The following C19orf47 variants were observed in gnomAD, a reference collection of about 807,000 sequenced individuals.
C19orf47 encodes the protein chromosome 19 open reading frame 47, also known as uncharacterized protein C19orf47.
In C19orf47, 18 loss-of-function variants were observed where a neutral mutation model predicts 32.3. The observed-to-expected ratio is 0.56, with a 90% CI of 0.39 to 0.83. The LOEUF (loss-of-function observed/expected upper bound fraction) is 0.83. Among genes scored for constraint, C19orf47 ranks in the 40% least tolerant of loss-of-function variants. The pLI is 0.00. For synonymous variants in C19orf47, 202 were observed against 211.1 expected, an observed-to-expected ratio of 0.96 and a Z score of 0.37; for missense variants, 484 against 531.6, an observed-to-expected ratio of 0.91 and a Z score of 0.88.
At chr19:40,347,480 C>T (rs1403091264) in intron 1 of C19orf47, among the ~76,000 whole-genome samples, 1 of 151,546 alleles carries the variant, frequency 6.6e-6, no homozygotes, top group Admixed American at 6.6e-5. Context: ...TGCGGTGAGA[C>T]GAAATTGCAC....
chr19:40,346,523 A>AG (rs1167497497), intron 1 of C19orf47, among the ~76,000 whole-genome samples: 16 of 143,424 alleles, frequency 1.1e-4, no homozygotes, highest in South Asian at 2.2e-4. Context: ...AAAAAAAAAA[A>AG]AGAGGACCCT....
the C19orf47 span, among the ~76,000 whole-genome samples, chr19:40,301,858 A>T: frequency 5.8e-4 from 69 of 118,772 alleles, no homozygotes; most frequent in Non-Finnish European, 8.9e-4. Flanking sequence ...AAAAAATCTT[A>T]AAAAAAAAGG....
chr19:40,345,457 G>A (rs2078253382), intron 1 of C19orf47, among the ~76,000 whole-genome samples: 1 of 150,688 alleles, frequency 6.6e-6, no homozygotes, highest in African/African-American at 2.4e-5. Context: ...CCAGCACTTT[G>A]GGAGGCCGAA....
At chr19:40,294,078 C>T in the C19orf47 span, among the ~76,000 whole-genome samples, 3 of 152,248 alleles carry the variant, frequency 2.0e-5, no homozygotes, top group Non-Finnish European at 2.9e-5. Context: ...TGAGATGGCG[C>T]CACTGCACTC....
At chr19:40,315,312 A>G (rs1359979394), downstream of C19orf47, among the ~76,000 whole-genome samples, 1 of 152,200 alleles carries the variant, frequency 6.6e-6, no homozygotes, top group Non-Finnish European at 1.5e-5. Context: ...GGTATACAGC[A>G]GCTCTCTGCA....
At chr19:40,342,129 A>C in intron 1 of C19orf47, 1 of 871,070 alleles carries the variant, frequency 1.1e-6, no homozygotes, top group Non-Finnish European at 1.4e-6. Context: ...ATTCACACAC[A>C]CCCCAAAAGG....
intron 4 of C19orf47, chr19:40,335,029 G>T (rs139823380): frequency 0.097 from 12,908 of 133,212 alleles, 766 homozygotes; most frequent in African/African-American, 0.18. Context: ...AGGAAGGGAA[G>T]GAGGGAAGGA....
intron 8 of C19orf47, 31 bp from the exon 9 acceptor site, chr19:40,322,407 C>T: frequency 6.5e-7 from 1 of 1,530,892 alleles, no homozygotes; most frequent in Non-Finnish European, 8.8e-7. Context: ...ATGAATGAGT[C>T]ACTGAGTCAC....
the C19orf47 span, among the ~76,000 whole-genome samples, chr19:40,304,710 A>C: frequency 6.6e-6 from 1 of 152,070 alleles, no homozygotes; most frequent in Non-Finnish European, 1.5e-5. Context: ...TACTTACTTA[A>C]TTAAAATGAG....
chr19:40,309,621 T>C, the C19orf47 span, among the ~76,000 whole-genome samples: 7 of 152,008 alleles, frequency 4.6e-5, no homozygotes, highest in African/African-American at 1.4e-4. Context: ...TCCCTTGAAG[T>C]TGCCTTTCCT....
chr19:40,326,302 C>A (rs369727103), intron 7 of C19orf47, 32 bp downstream of exon 7: 68 of 1,612,518 alleles, frequency 4.2e-5, no homozygotes, highest in Non-Finnish European at 5.4e-5. Flanking sequence ...ACATGGACCC[C>A]GCAGGGAAGC....
the C19orf47 span, among the ~76,000 whole-genome samples, chr19:40,301,955 T>C: frequency 6.6e-6 from 1 of 150,658 alleles, no homozygotes; most frequent in African/African-American, 2.4e-5. Flanking sequence ...AGGTCAGGAG[T>C]TGGAAAACAG....
At chr19:40,341,548 T>C (rs1219887288) in intron 2 of C19orf47, among the ~76,000 whole-genome samples, 2 of 152,176 alleles carry the variant, frequency 1.3e-5, no homozygotes, top group Non-Finnish European at 1.5e-5. Context: ...GTGAATATCA[T>C]TTCCATTTCA....
At chr19:40,328,688 T>G in intron 5 of C19orf47, 138 bp from the exon 6 acceptor site, 2 of 1,165,788 alleles carry the variant, frequency 1.7e-6, no homozygotes, top group Non-Finnish European at 2.4e-6. Flanking sequence ...TGTAACTGCA[T>G]GGTACTCGTG....
chr19:40,324,114 T>C (rs1274212830), intron 7 of C19orf47, 38 bp from the exon 8 acceptor site: 2 of 1,608,514 alleles, frequency 1.2e-6, no homozygotes, highest in South Asian at 1.1e-5. Flanking sequence ...GAGGCCCCGG[T>C]GGGCCAGGCC....
Position 40,348,340 on chromosome 19 carries a change from G to T in C19orf47, c.-50C>A. ...GCGCCTCACCTGGCCCACCGGGCCC[G>T]CGCCCACTCGCGCCGCCCGCCCTCC... On this transcript the variant is annotated 5_prime_UTR_variant, in exon 1 of 9. Coordinates refer to ENST00000683109, the MANE Select transcript of C19orf47 (RefSeq NM_001256441.2). 7.5e-7 allele frequency: 1 copy of T among 1,324,846 alleles called. No homozygotes were observed. Among genetic ancestry groups the T allele is most frequent in the Non-Finnish European group, 9.7e-7 (1 of 1,034,256 alleles). The allele number at this position is 1,324,846 out of a possible 1,614,324, so 82.1% of individuals were successfully genotyped here. A position where few individuals can be genotyped will look rare whatever the true frequency, so the allele number is the denominator to read the frequency against.
intron 1 of C19orf47, among the ~76,000 whole-genome samples, chr19:40,345,265 C>G (rs929092263): frequency 1.1e-4 from 16 of 152,128 alleles, no homozygotes; most frequent in Non-Finnish European, 1.9e-4. Context: ...GCTCCCAAAA[C>G]TCAAGGGATT....
intron 2 of C19orf47, chr19:40,339,246 T>C (rs2078129516): frequency 6.6e-6 from 1 of 152,618 alleles, no homozygotes; most frequent in Admixed American, 6.5e-5. Context: ...GCACACACCA[T>C]CATTTCATGT....
intron 8 of C19orf47, among the ~76,000 whole-genome samples, chr19:40,323,511 G>A (rs1370215372): frequency 6.6e-6 from 1 of 152,238 alleles, no homozygotes; most frequent in Non-Finnish European, 1.5e-5. Context: ...AGCCTCTGCA[G>A]GGCTTCCAGT....
Sources: allele counts gnomAD v4.1 joint callset (sites outside exome capture counted in the v4.1 genomes callset), GRCh38; gene constraint gnomAD v4.1.1; transcripts MANE v1.5; gene names NCBI Gene and HGNC (gene_info 2026-07-23, HGNC 2026-07-21).